MBD5: variants seen among roughly 807,000 people sequenced by gnomAD.
The protein encoded by MBD5 is methyl-CpG binding domain protein 5, also known as methyl-CpG-binding domain protein 5.
In MBD5, 13 loss-of-function variants were observed where a neutral mutation model predicts 117.3. The ratio of observed to expected loss-of-function variants is 0.11; its 90% CI spans 0.07 to 0.18. MBD5 has a LOEUF of 0.18. Ranked by LOEUF, MBD5 falls within the 10% of genes least tolerant of loss-of-function variation. The pLI, the probability that MBD5 is intolerant of heterozygous loss-of-function variation, is 1.00. For synonymous variants in MBD5, 727 were observed against 766.4 expected (o/e 0.95, Z 0.85); for missense variants, 1,879 against 2,093.8 (o/e 0.90, Z 2.00).
chr2:148,092,783 C>T (rs567530058), intron 1 of MBD5, among the ~76,000 whole-genome samples: 23 of 147,820 alleles, frequency 1.6e-4, no homozygotes, highest in African/African-American at 5.0e-4. Flanking sequence ...TGCAACCAAA[C>T]ACCACCTGTT....
chr2:148,439,916 T>A (rs866839121), intron 4 of MBD5, among the ~76,000 whole-genome samples: 1 of 152,030 alleles, frequency 6.6e-6, no homozygotes, highest in African/African-American at 2.4e-5. Context: ...TTTGTAAAAA[T>A]TTTTTGTAGA....
At chr2:148,108,725 C>T (rs1445828372) in intron 1 of MBD5, among the ~76,000 whole-genome samples, 2 of 152,002 alleles carry the variant, frequency 1.3e-5, no homozygotes, top group South Asian at 2.1e-4. Flanking sequence ...GTTTGTTTTA[C>T]TCTATCTGGT....
chr2:148,516,200 A>G lies in MBD5; in HGVS notation c.*3259A>G, dbSNP rs1364225378. The G allele has an allele frequency of 2.0e-5, 3 of 152,204 alleles. No individual in the cohort carries two copies. Among genetic ancestry groups the G allele is most frequent in the Non-Finnish European group, 4.4e-5 (3 of 68,036 alleles). 9.4% of individuals were successfully genotyped at this position (152,204 alleles called of 1,614,324 possible). On this transcript the variant is annotated 3_prime_UTR_variant, in exon 14 of 14. Transcript: ENST00000642680. ...GGTGACTCATGTTTCATTTTAGACCATGATAGCACATTGTTGTTAACTTTG... is the reference window on the plus strand; with the variant it reads ...GGTGACTCATGTTTCATTTTAGACCGTGATAGCACATTGTTGTTAACTTTG...
chr2:148,129,168 G>A (rs1035724029), intron 1 of MBD5, among the ~76,000 whole-genome samples: 7 of 152,146 alleles, frequency 4.6e-5, no homozygotes, highest in African/African-American at 1.7e-4. Flanking sequence ...ACACAAAGAT[G>A]TCTGAGGGAA....
intron 4 of MBD5, among the ~76,000 whole-genome samples, chr2:148,368,343 A>T (rs1025033812): frequency 6.6e-6 from 1 of 152,100 alleles, no homozygotes; most frequent in African/African-American, 2.4e-5. Flanking sequence ...GGGGGTATGG[A>T]AGGGATAGCA....
chr2:148,477,228 G>A (rs1680996661), intron 8 of MBD5, among the ~76,000 whole-genome samples: 1 of 152,014 alleles, frequency 6.6e-6, no homozygotes, highest in Non-Finnish European at 1.5e-5. Flanking sequence ...CATATTCCAA[G>A]ATTCAAGCTG....
intron 2 of MBD5, among the ~76,000 whole-genome samples, chr2:148,181,686 G>A (rs1698538090): frequency 6.6e-6 from 1 of 151,576 alleles, no homozygotes; most frequent in Non-Finnish European, 1.5e-5. Flanking sequence ...TTTCATTTGG[G>A]TTCAATTGTT....
chr2:148,211,556 T>C (rs1439425498), intron 2 of MBD5, among the ~76,000 whole-genome samples: 1 of 152,208 alleles, frequency 6.6e-6, no homozygotes, highest in Admixed American at 6.5e-5. Context: ...ATACTAATTA[T>C]AGATGTTCCA....
At chr2:148,113,311 A>C (rs1266066961) in intron 1 of MBD5, among the ~76,000 whole-genome samples, 5 of 152,170 alleles carry the variant, frequency 3.3e-5, no homozygotes, top group Non-Finnish European at 5.9e-5. Context: ...CTTTTGTGTA[A>C]CATTAGGTGC....
At position 148,169,398 on chromosome 2, in the gene MBD5, A is replaced by G. The variant is rs563805781; in HGVS notation, c.-924-9302A>G. Among the ~76,000 whole-genome samples the G allele has an allele frequency of 7.9e-5, 12 of 152,272 alleles. No homozygotes were observed. In the South Asian group the frequency reaches 2.3e-3, roughly 29 times the overall value. On this transcript the variant is annotated intron_variant, in intron 1 of 13. Coordinates refer to ENST00000642680, the MANE Select transcript of MBD5 (RefSeq NM_001378120.1). ...TAGATCATTAACGTCAACAAGCCCA[A>G]TACATTGATAAGGTACATGTTCTTG... is the stretch of plus-strand genomic sequence containing the variant.
chr2:148,477,138 A>ATG (rs1680992476), intron 8 of MBD5, among the ~76,000 whole-genome samples: 1 of 152,102 alleles, frequency 6.6e-6, no homozygotes, highest in Middle Eastern at 3.2e-3. Flanking sequence ...AAGAAAAAAA[A>ATG]ACAAACTCTT....
chr2:148,500,354 G>A (rs1292737336), intron 11 of MBD5, among the ~76,000 whole-genome samples: 1 of 151,928 alleles, frequency 6.6e-6, no homozygotes, highest in Non-Finnish European at 1.5e-5. Context: ...GAGTTGGTAT[G>A]GTGGAGAGAA....
intron 3 of MBD5, among the ~76,000 whole-genome samples, chr2:148,258,588 T>C (rs1035242202): frequency 6.6e-6 from 1 of 152,152 alleles, no homozygotes; most frequent in Non-Finnish European, 1.5e-5. Context: ...TCCTCCTGGC[T>C]ACAGCAAGTA....
chr2:148,081,942 A>G (rs909793245), intron 1 of MBD5, among the ~76,000 whole-genome samples: 1 of 152,216 alleles, frequency 6.6e-6, no homozygotes, highest in African/African-American at 2.4e-5. Context: ...TCTTGCCCAT[A>G]GCTAATACAC....
In MBD5 at chr2:148,469,015, C is replaced by T; in HGVS notation, c.1072C>T (p.Leu358Phe). 1 of 1,613,934 alleles carries T rather than the reference C, an allele frequency of 6.2e-7. No homozygotes were observed. The highest frequency in any genetic ancestry group is 8.5e-7 in the Non-Finnish European group (1 of 1,179,934). Reference protein sequence around the residue: ...KKPLTSEKDPLGILDPIPSKP... With the variant: ...KKPLTSEKDPFGILDPIPSKP... Reference sequence around the variant, plus strand: ...GCCATTAACATCTGAGAAAGATCCACTTGGCATTCTTGACCCTATTCCTAG... The same window carrying T: ...GCCATTAACATCTGAGAAAGATCCATTTGGCATTCTTGACCCTATTCCTAG... The change falls in exon 8 of 14, where the codon CTT becomes TTT. Residue 358 changes from leucine (L) to phenylalanine (F), a missense_variant. Leu to Phe is a conservative substitution (Grantham distance 22, BLOSUM62 0). Coordinates refer to ENST00000642680, the MANE Select transcript of MBD5 (RefSeq NM_001378120.1).
chr2:148,275,438 T>A (rs1012611006), intron 3 of MBD5, among the ~76,000 whole-genome samples: 1 of 151,918 alleles, frequency 6.6e-6, no homozygotes, highest in Non-Finnish European at 1.5e-5. Flanking sequence ...CTCACGGGAG[T>A]GTGGGGTGGG....
intron 3 of MBD5, among the ~76,000 whole-genome samples, chr2:148,304,166 T>C (rs558227297): frequency 1.2e-4 from 19 of 152,220 alleles, no homozygotes; most frequent in Admixed American, 2.6e-4. Flanking sequence ...AGCTAACACT[T>C]AAACAGTATT....
At chr2:148,212,790 G>A (rs757992391) in intron 2 of MBD5, among the ~76,000 whole-genome samples, 32 of 152,012 alleles carry the variant, frequency 2.1e-4, no homozygotes, top group South Asian at 8.3e-4. Context: ...ATTTTTTCTA[G>A]GTAAACATTC....
Position 148,344,033 on chromosome 2 carries a change from G to A in MBD5, c.-557+1697G>A, listed in dbSNP as rs185844119. Among the ~76,000 whole-genome samples the A allele has an allele frequency of 3.2e-3, 480 of 152,048 alleles. 2 individuals are homozygous for A. The highest frequency in any genetic ancestry group is 6.3e-4 in the Non-Finnish European group (43 of 67,928). The stretch of plus-strand genomic sequence containing the variant: ...ATTTCATTCTTCTGCACTGCATGTG[G>A]CTACCAAGCTATTCCATCACCATGT... On this transcript the variant is annotated intron_variant, in intron 4 of 13. Coordinates refer to ENST00000642680, the MANE Select transcript of MBD5 (RefSeq NM_001378120.1).
Sources: gnomAD v4.1 joint callset for allele counts (sites outside exome capture counted in the v4.1 genomes callset) on GRCh38, gnomAD v4.1.1 for gene constraint, MANE v1.5 for transcripts, NCBI Gene and HGNC (gene_info 2026-07-23, HGNC 2026-07-21) for gene names.